PCCA: variants seen among roughly 807,000 people sequenced by gnomAD.
PCCA encodes the protein propionyl-CoA carboxylase alpha chain, mitochondrial.
A neutral mutation model predicts 101.3 loss-of-function variants in PCCA; 74 were observed. The ratio of observed to expected loss-of-function variants is 0.73; its 90% CI spans 0.61 to 0.89. The LOEUF is 0.89. PCCA is among the 40% of genes least tolerant of loss of function. The probability of loss-of-function intolerance (pLI) is 0.00; values close to 1 mark genes in which losing one functional copy is unlikely to be tolerated. For synonymous variants in PCCA, 294 were observed against 313.6 expected (o/e 0.94, Z 0.66); for missense variants, 891 against 907.0 (o/e 0.98, Z 0.23).
At chr13:100,348,764 CTTTCTT>C (rs2072719933) in intron 18 of PCCA, among the ~76,000 whole-genome samples, 1 of 87,774 alleles carries the variant, frequency 1.1e-5, no homozygotes, top group African/African-American at 4.8e-5. Flanking sequence ...TTCTTTCTTT[CTTTCTT>C]TCTTTCTTTC....
chr13:100,336,768 C>G (rs538135686), intron 17 of PCCA, among the ~76,000 whole-genome samples: 1 of 152,324 alleles, frequency 6.6e-6, no homozygotes, highest in South Asian at 2.1e-4. Flanking sequence ...GAAGAGCCCA[C>G]TGTGCCCAGC....
rs369083235 is a variant in PCCA, at chr13:100,318,674, C to T, written c.1429+8766C>T. On this transcript the variant is annotated intron_variant, in intron 16 of 23. Transcript: ENST00000376285. ...AAGGACATGAACTCATCATTTTTTA[C>T]GGCTGCATAGTATTCCATGGTGTAT... Among the ~76,000 whole-genome samples the T allele has an allele frequency of 9.1e-4, 138 of 152,094 alleles. 3 individuals are homozygous for T. The East Asian group carries it at 0.02, about 22-fold the overall frequency.
At chr13:100,516,803 GT>G (rs2086861712) in intron 22 of PCCA, among the ~76,000 whole-genome samples, 1 of 147,618 alleles carries the variant, frequency 6.8e-6, no homozygotes, top group African/African-American at 2.5e-5. Flanking sequence ...CTTCTCCAGA[GT>G]TAGGGTCGTA....
intron 19 of PCCA, among the ~76,000 whole-genome samples, chr13:100,417,349 T>G (rs2152880116): frequency 6.6e-6 from 1 of 152,330 alleles, no homozygotes; most frequent in South Asian, 2.1e-4. Context: ...GTGAGGCATA[T>G]GATGTTTTTA....
chr13:100,212,446 T>C (rs146027192), intron 7 of PCCA, among the ~76,000 whole-genome samples: 78 of 152,328 alleles, frequency 5.1e-4, no homozygotes, highest in Admixed American at 2.0e-3. Flanking sequence ...GCTCTAAAAT[T>C]CTTATCCTTC....
chr13:100,264,213 TATCTCATATATATGTG>T (rs1211848329), intron 10 of PCCA, among the ~76,000 whole-genome samples: 1 of 112,490 alleles, frequency 8.9e-6, no homozygotes, highest in Non-Finnish European at 2.2e-5. Flanking sequence ...GTGATATCTG[TATCTCATATATATGTG>T]ATATCTGTAT....
intron 22 of PCCA, among the ~76,000 whole-genome samples, chr13:100,524,979 A>AGATGGATGGATGGATG (rs60116605): frequency 1.5e-5 from 2 of 137,718 alleles, no homozygotes; most frequent in African/African-American, 5.4e-5. Context: ...TCTGTCTCTA[A>AGATGGATGGATGGATG]GATGGATAGA....
chr13:100,171,566 T>G (rs1002627823), intron 6 of PCCA, among the ~76,000 whole-genome samples: 4 of 152,232 alleles, frequency 2.6e-5, no homozygotes, highest in Non-Finnish European at 5.9e-5. Flanking sequence ...TGAATTCCTG[T>G]TGCTTACCAC....
chr13:100,190,580 C>T (rs375372995), intron 6 of PCCA, among the ~76,000 whole-genome samples: 29 of 151,816 alleles, frequency 1.9e-4, no homozygotes, highest in Middle Eastern at 3.5e-3. Flanking sequence ...GAGGCTGAGG[C>T]GGGAGAACTG....
At chr13:100,306,341 G>A (rs555423910) in intron 14 of PCCA, among the ~76,000 whole-genome samples, 16 of 152,306 alleles carry the variant, frequency 1.1e-4, no homozygotes, top group African/African-American at 3.6e-4. Flanking sequence ...AAGACCCCTA[G>A]GATGTGCCTG....
At chr13:100,487,899 T>TA (rs71199602) in intron 21 of PCCA, among the ~76,000 whole-genome samples, 18,801 of 149,138 alleles carry the variant, frequency 0.13, 1,988 homozygotes, top group African/African-American at 0.29. Flanking sequence ...CTAATTAAAA[T>TA]AAAAAAAAAA....
At chr13:100,485,552 C>T (rs2084309353) in intron 21 of PCCA, among the ~76,000 whole-genome samples, 1 of 152,182 alleles carries the variant, frequency 6.6e-6, no homozygotes, top group African/African-American at 2.4e-5. Flanking sequence ...CTGGCAACCC[C>T]AACTCTAGAA....
At chr13:100,456,813 G>A (rs1435184844) in intron 21 of PCCA, among the ~76,000 whole-genome samples, 1 of 152,188 alleles carries the variant, frequency 6.6e-6, no homozygotes, top group African/African-American at 2.4e-5. Flanking sequence ...GACAAGGAGC[G>A]TGACCGTTGA....
intron 1 of PCCA, among the ~76,000 whole-genome samples, chr13:100,090,942 C>G (rs142556862): frequency 1.6e-3 from 245 of 151,996 alleles, no homozygotes; most frequent in African/African-American, 5.7e-3. Context: ...TCCTTTGGAA[C>G]TGAAAATTGA....
At chr13:100,491,473 T>C (rs755343128) in intron 21 of PCCA, 11 of 315,216 alleles carry the variant, frequency 3.5e-5, no homozygotes, top group Non-Finnish European at 6.3e-5. Context: ...CCCCTAGTCA[T>C]AGGCAAAAAT....
At chr13:100,487,235 T>C (rs139966730) in intron 21 of PCCA, among the ~76,000 whole-genome samples, 15 of 152,226 alleles carry the variant, frequency 9.9e-5, no homozygotes, top group African/African-American at 3.4e-4. Context: ...AGGGCAGAGG[T>C]TCTGAACTGA....
chr13:100,519,403 C>A (rs1292701646), intron 22 of PCCA, among the ~76,000 whole-genome samples: 1 of 152,254 alleles, frequency 6.6e-6, no homozygotes, highest in Non-Finnish European at 1.5e-5. Context: ...AATTGACCTT[C>A]AGCAGGGGAC....
chr13:100,346,370 C>G (rs954929460), intron 18 of PCCA, among the ~76,000 whole-genome samples: 13 of 152,214 alleles, frequency 8.5e-5, no homozygotes, highest in African/African-American at 2.9e-4. Context: ...AAGGAAATAG[C>G]TACAGTTGGG....
intron 6 of PCCA, among the ~76,000 whole-genome samples, chr13:100,194,447 T>C (rs1804147658): frequency 2.0e-5 from 3 of 152,180 alleles, no homozygotes; most frequent in Admixed American, 2.0e-4. Context: ...AGACGGAGTC[T>C]CCCTCTGTCG....
Sources: gnomAD v4.1 joint callset for allele counts (sites outside exome capture counted in the v4.1 genomes callset) on GRCh38, gnomAD v4.1.1 for gene constraint, MANE v1.5 for transcripts, NCBI Gene and HGNC (gene_info 2026-07-23, HGNC 2026-07-21) for gene names.